Variants in DST observed in about 807,000 individuals in gnomAD.
DST encodes bullous pemphigoid antigen.
A neutral mutation model predicts 875.2 loss-of-function variants in DST; 253 were observed. That is an observed-to-expected ratio of 0.29 (90% CI 0.26 to 0.32). The LOEUF (loss-of-function observed/expected upper bound fraction) is 0.32, where lower values mean the gene tolerates loss of function less well. Among genes scored for constraint, DST ranks in the 10% least tolerant of loss-of-function variants. The probability of loss-of-function intolerance (pLI) is 1.00; values close to 1 mark genes in which losing one functional copy is unlikely to be tolerated. For synonymous variants in DST, 3,124 were observed against 3,197.1 expected (o/e 0.98, Z 0.77); for missense variants, 8,287 against 9,111.6 (o/e 0.91, Z 3.68).
intron 50 of DST, among the ~76,000 whole-genome samples, chr6:56,575,800 C>T (rs1451867484): frequency 6.6e-6 from 1 of 152,134 alleles, no homozygotes; most frequent in African/African-American, 2.4e-5. Flanking sequence ...GACCTCAGTT[C>T]CTGACATAGA....
At position 56,632,928 on chromosome 6, in the gene DST, T is replaced by C; in HGVS notation, c.3731A>G (p.Asp1244Gly). ...AACCTCCTTTTCCAGTTGTGTTATA[T>C]CTGAGCCTGAAAAGACTTGGGATTC... ...SQESQVFSGSDITQLEKEVNV... is the reference protein window; with the variant it reads ...SQESQVFSGSGITQLEKEVNV... Residue 1244 changes from aspartate to glycine, a missense_variant, in exon 28 of 104, where the codon GAT becomes GGT. Coordinates refer to ENST00000680361, the MANE Select transcript of DST (RefSeq NM_001374736.1). The C allele has an allele frequency of 6.2e-7, 1 of 1,613,962 alleles. No homozygotes were observed.
chr6:56,910,470 A>G (rs1049112126), intron 2 of DST, among the ~76,000 whole-genome samples: 3 of 147,576 alleles, frequency 2.0e-5, no homozygotes, highest in South Asian at 2.2e-4. Flanking sequence ...TTGTACATTT[A>G]TTTTATTTTA....
intron 10 of DST, among the ~76,000 whole-genome samples, chr6:56,661,690 G>C (rs555239432): frequency 1.3e-5 from 2 of 151,908 alleles, no homozygotes; most frequent in Admixed American, 6.6e-5. Flanking sequence ...AGGTTCAAGC[G>C]ATTCCCCTGC....
At chr6:56,634,017 A>T in intron 27 of DST, 115 bp downstream of exon 27, 1 of 1,202,514 alleles carries the variant, frequency 8.3e-7, no homozygotes, top group Non-Finnish European at 1.2e-6. Context: ...AATGAATATT[A>T]GCATGGATTT....
intron 2 of DST, among the ~76,000 whole-genome samples, chr6:56,907,121 T>C (rs1796774499): frequency 6.6e-6 from 1 of 152,170 alleles, no homozygotes; most frequent in African/African-American, 2.4e-5. Context: ...AAGTAAAGAC[T>C]GAAAAAAATC....
At chr6:56,611,740 A>G in intron 37 of DST, 144 bp from the exon 38 acceptor site, 1 of 610,326 alleles carries the variant, frequency 1.6e-6, no homozygotes, top group Non-Finnish European at 2.9e-6. Context: ...ATCAGTTATT[A>G]GCAGTCTATA....
At chr6:56,807,325 C>A (rs2099754301) in intron 4 of DST, among the ~76,000 whole-genome samples, 1 of 152,204 alleles carries the variant, frequency 6.6e-6, no homozygotes, top group East Asian at 1.9e-4. Context: ...TGCATCCAGC[C>A]TCCCAACTGA....
At chr6:56,942,403 CT>C (rs1471482113) in intron 2 of DST, among the ~76,000 whole-genome samples, 1 of 151,790 alleles carries the variant, frequency 6.6e-6, no homozygotes, top group Non-Finnish European at 1.5e-5. Flanking sequence ...CCTGTGTTCC[CT>C]TTTTCTTGCC....
intron 4 of DST, among the ~76,000 whole-genome samples, chr6:56,763,616 G>T (rs181179535): frequency 2.1e-4 from 32 of 151,122 alleles, no homozygotes; most frequent in Non-Finnish European, 3.8e-4. Flanking sequence ...AGGTTGCAGT[G>T]AGCTGAGATC....
At chr6:56,503,703 A>G (rs1284598763) in intron 78 of DST, among the ~76,000 whole-genome samples, 1 of 151,474 alleles carries the variant, frequency 6.6e-6, no homozygotes, top group Non-Finnish European at 1.5e-5. Context: ...GGTATATAAC[A>G]TTTTGGGTGA....
intron 5 of DST, among the ~76,000 whole-genome samples, chr6:56,716,562 CAAAG>C (rs900824092): frequency 2.6e-5 from 4 of 152,086 alleles, no homozygotes; most frequent in African/African-American, 9.7e-5. Flanking sequence ...TAAAAATAGG[CAAAG>C]AGAACCGGGG....
chr6:56,869,573 T>C (rs1366652947), intron 3 of DST, among the ~76,000 whole-genome samples: 1 of 151,724 alleles, frequency 6.6e-6, no homozygotes, highest in African/African-American at 2.4e-5. Context: ...ATGTCAAGCT[T>C]GTGGCTGGAC....
chr6:56,733,565 TA>T (rs971950923), intron 5 of DST, among the ~76,000 whole-genome samples: 2 of 152,142 alleles, frequency 1.3e-5, no homozygotes, highest in Non-Finnish European at 2.9e-5. Context: ...GATGAGGGCA[TA>T]AAGAGATTAA....
rs986614044 is a variant in DST, at chr6:56,714,743, C to T, written c.688-10374G>A. Among the ~76,000 whole-genome samples, 22 of 152,180 alleles carry T rather than the reference C, an allele frequency of 1.4e-4. No individual in the cohort carries two copies. Among genetic ancestry groups the T allele is most frequent in the Admixed American group, 1.3e-3 (20 of 15,274 alleles). Reference sequence around the variant, plus strand: ...TAAGAGAGATTTTGAAACAAAATGTCTCCTGAATATTTGAGGTCACATTCT... The same window carrying T: ...TAAGAGAGATTTTGAAACAAAATGTTTCCTGAATATTTGAGGTCACATTCT... On this transcript the variant is annotated intron_variant, in intron 5 of 103. Transcript: ENST00000680361. The surrounding 1 kb of genome is among the most constrained non-coding windows in gnomAD (Gnocchi z 4.5).
chr6:56,552,716 A>G lies in DST; in HGVS notation c.16076T>C (p.Ile5359Thr), dbSNP rs988897258. The G allele has an allele frequency of 3.7e-6, 6 of 1,612,632 alleles. No individual in the cohort carries two copies. The African/African-American group carries it at 6.7e-5, about 18-fold the overall frequency. Residue 5359 changes from isoleucine (I) to threonine (T), a missense_variant, in exon 61 of 104, where the codon ATA becomes ACA. Transcript: ENST00000680361. ...TSDVLLQVET[I>T]AQEHSTLSQQ... ...ACTTAGTGTACTATGCTCTTGAGCTATGGTTTCCACTTGTAATAAAACATC... is the reference window on the plus strand; with the variant it reads ...ACTTAGTGTACTATGCTCTTGAGCTGTGGTTTCCACTTGTAATAAAACATC...
At chr6:56,911,832 G>A (rs1480492913) in intron 2 of DST, among the ~76,000 whole-genome samples, 4 of 152,130 alleles carry the variant, frequency 2.6e-5, no homozygotes, top group African/African-American at 9.7e-5. Context: ...ATTAGCCCAA[G>A]CAGGGATCAT....
intron 9 of DST, among the ~76,000 whole-genome samples, chr6:56,674,136 G>C (rs766929265): frequency 1.8e-4 from 27 of 152,156 alleles, no homozygotes; most frequent in Non-Finnish European, 3.2e-4. Context: ...ATTCAGGTCA[G>C]ATTCTAGAAA....
In DST at chr6:56,647,934, T is replaced by A. The variant is rs545259901; in HGVS notation, c.1554+636A>T. ...CTCCTGACCTCAGGTGATCCACCCA[T>A]CTTGGCCTCCCAAAGTGCTGGGATT... On this transcript the variant is annotated intron_variant, in intron 13 of 103. Coordinates refer to ENST00000680361, the MANE Select transcript of DST (RefSeq NM_001374736.1). 1.1e-3 allele frequency among the ~76,000 whole-genome samples: 173 copies of A among 152,144 alleles called. 1 individual carries two copies. The highest frequency in any genetic ancestry group is 2.1e-3 in the Non-Finnish European group (146 of 67,976).
intron 101 of DST, 30 bp downstream of exon 101, chr6:56,463,535 T>G: frequency 6.6e-7 from 1 of 1,520,872 alleles, no homozygotes; most frequent in Non-Finnish European, 8.8e-7. Context: ...ATTGCAAAGG[T>G]GGAGGAAAAG....
Sources: allele counts gnomAD v4.1 joint callset (sites outside exome capture counted in the v4.1 genomes callset), GRCh38; gene constraint gnomAD v4.1.1; non-coding constraint Gnocchi (gnomAD v3.1); transcripts MANE v1.5; gene names NCBI Gene and HGNC (gene_info 2026-07-23, HGNC 2026-07-21).